NFIA: variants seen among roughly 807,000 people sequenced by gnomAD.
NFIA encodes the protein nuclear factor I A.
A neutral mutation model predicts 62.8 loss-of-function variants in NFIA; 8 were observed. The ratio of observed to expected loss-of-function variants is 0.13; its 90% CI spans 0.07 to 0.23. The LOEUF (loss-of-function observed/expected upper bound fraction) is 0.23. Ranked by LOEUF, NFIA falls within the 10% of genes least tolerant of loss-of-function variation. The pLI, the probability that NFIA is intolerant of heterozygous loss-of-function variation, is 1.00. For synonymous variants in NFIA, 235 were observed against 238.1 expected (o/e 0.99, Z 0.12); for missense variants, 410 against 642.1 (o/e 0.64, Z 3.91).
intron 10 of NFIA, among the ~76,000 whole-genome samples, chr1:61,453,814 C>T (rs1187661904): frequency 6.6e-6 from 1 of 152,152 alleles, no homozygotes; most frequent in Non-Finnish European, 1.5e-5. Context: ...CTCTCCCCCT[C>T]TTCTTTCTTT....
chr1:61,196,672 A>T (rs985975468), intron 2 of NFIA, among the ~76,000 whole-genome samples: 10 of 152,188 alleles, frequency 6.6e-5, no homozygotes, highest in Non-Finnish European at 1.0e-4. Context: ...TAATGGGCTT[A>T]CAACTGAAGG....
chr1:61,393,485 C>T (rs1405919165), intron 7 of NFIA, among the ~76,000 whole-genome samples: 2 of 151,322 alleles, frequency 1.3e-5, no homozygotes, highest in East Asian at 4.0e-4. Context: ...AGCTTTTCAA[C>T]AACAGATTTA....
chr1:61,151,412 G>A (rs1165431138), intron 2 of NFIA, among the ~76,000 whole-genome samples: 1 of 146,226 alleles, frequency 6.8e-6, no homozygotes, highest in Non-Finnish European at 1.5e-5. Context: ...TTTTATCATA[G>A]GTAAGGGAAG....
intron 7 of NFIA, among the ~76,000 whole-genome samples, chr1:61,393,246 T>C (rs567199235): frequency 2.2e-4 from 4 of 18,454 alleles, no homozygotes; most frequent in Admixed American, 6.6e-4. Flanking sequence ...GCCCTCTCCC[T>C]CTCTCTCTCT....
chr1:61,307,815 T>C (rs1311315680), intron 3 of NFIA, among the ~76,000 whole-genome samples: 1 of 152,200 alleles, frequency 6.6e-6, no homozygotes, highest in Non-Finnish European at 1.5e-5. Flanking sequence ...CATTTTGTGA[T>C]GATAACTGAT....
intron 3 of NFIA, among the ~76,000 whole-genome samples, chr1:61,287,282 A>G (rs901817379): frequency 3.9e-5 from 6 of 152,200 alleles, no homozygotes; most frequent in African/African-American, 1.2e-4. Flanking sequence ...TTGTCATGGC[A>G]GTATCTTTTA....
rs1348436538 is a variant in NFIA, at chr1:61,277,599, G to C, written c.625+14G>C. 1 of 1,613,426 alleles carries C rather than the reference G, an allele frequency of 6.2e-7. No homozygotes were observed. Among genetic ancestry groups the C allele is most frequent in the Admixed American group, 1.7e-5 (1 of 59,986 alleles). ...AGCCAGAAAATGGTAAGTTTAGCTT[G>C]GGACTCTAGCTGCTGCTTTCAGAGT... On this transcript the variant is annotated intron_variant, in intron 3 of 10. Transcript: ENST00000403491.
intron 6 of NFIA, among the ~76,000 whole-genome samples, chr1:61,379,050 T>C (rs1664280740): frequency 6.6e-6 from 1 of 152,232 alleles, no homozygotes; most frequent in Non-Finnish European, 1.5e-5. Context: ...ATTATATCTG[T>C]AGAAGTCTTT....
At chr1:61,265,801 T>G (rs1449395866) in intron 2 of NFIA, among the ~76,000 whole-genome samples, 1 of 152,184 alleles carries the variant, frequency 6.6e-6, no homozygotes, top group African/African-American at 2.4e-5. Context: ...AGGAAAAAAC[T>G]TAGTTTATGG....
At chr1:61,406,207 C>T (rs971624696) in intron 8 of NFIA, among the ~76,000 whole-genome samples, 10 of 151,914 alleles carry the variant, frequency 6.6e-5, no homozygotes, top group Non-Finnish European at 5.9e-5. Context: ...GCAGTTAATA[C>T]AGAAAAATAC....
rs543625743 is a variant in NFIA, at chr1:61,122,580, A to G, written c.559+33900A>G. Among the ~76,000 whole-genome samples, 3 of 152,230 alleles carry G rather than the reference A, an allele frequency of 2.0e-5. No homozygotes were observed. The East Asian group carries it at 5.8e-4, about 29-fold the overall frequency. Reference sequence around the variant, plus strand: ...GGAGTTGCAAAACACCTTTCTTTAAATATTTTCTCTTCATGGTGCAACTGG... The same window carrying G: ...GGAGTTGCAAAACACCTTTCTTTAAGTATTTTCTCTTCATGGTGCAACTGG... On this transcript the variant is annotated intron_variant, in intron 2 of 10. Transcript: ENST00000403491.
At chr1:61,285,906 T>C (rs1247555017) in intron 3 of NFIA, among the ~76,000 whole-genome samples, 2 of 152,184 alleles carry the variant, frequency 1.3e-5, no homozygotes, top group East Asian at 3.8e-4. Flanking sequence ...TTCTTAGATC[T>C]CTGTAGGTAT....
chr1:61,211,327 T>C (rs910388306), intron 2 of NFIA, among the ~76,000 whole-genome samples: 3 of 152,238 alleles, frequency 2.0e-5, no homozygotes, highest in African/African-American at 7.2e-5. Context: ...TTCTGGTTCC[T>C]TGTCTTCCTT....
intron 2 of NFIA, among the ~76,000 whole-genome samples, chr1:61,194,344 C>T (rs115160251): frequency 4.4e-4 from 67 of 152,270 alleles, no homozygotes; most frequent in African/African-American, 1.4e-3. Flanking sequence ...GTCTGAAAGA[C>T]ACCATGTCTC....
At chr1:61,240,331 C>T (rs1215080032) in intron 2 of NFIA, among the ~76,000 whole-genome samples, 2 of 151,902 alleles carry the variant, frequency 1.3e-5, no homozygotes, top group East Asian at 3.9e-4. Flanking sequence ...ATCCATCATG[C>T]CCCCAAAAGC....
rs1014517950 is a variant in NFIA, at chr1:61,460,019, A to C, written c.*4699A>C. The C allele has an allele frequency of 3.9e-5, 6 of 151,986 alleles. No individual in the cohort carries two copies. Among genetic ancestry groups the C allele is most frequent in the Non-Finnish European group, 1.5e-5 (1 of 68,032 alleles). 9.4% of individuals were successfully genotyped at this position (151,986 alleles called of 1,614,324 possible). A position where few individuals can be genotyped will look rare whatever the true frequency, so the allele number is the denominator to read the frequency against. On this transcript the variant is annotated 3_prime_UTR_variant, in exon 11 of 11. Transcript: ENST00000403491. ...GCAGGCCTCCATAGAACAAATCTAA[A>C]ACACAACCACCATAGTAATGTAAGG...
chr1:61,406,542 T>TTGC lies in NFIA; in HGVS notation c.1255-20_1255-19insTGC. On this transcript the variant is annotated intron_variant, in intron 8 of 10. Coordinates refer to ENST00000403491, the MANE Select transcript of NFIA (RefSeq NM_001134673.4). ...TTCTTTTTCTTGTACGTGTGTTTTC[T>TTGC]GCCCCCCCCCCCCCCACAGCCCAAT... 1.6e-6 allele frequency: 2 copies of TTGC among 1,253,830 alleles called. No homozygotes were observed. The highest frequency in any genetic ancestry group is 2.1e-6 in the Non-Finnish European group (2 of 931,744). 77.7% of individuals were successfully genotyped at this position (1,253,830 alleles called of 1,614,324 possible).
chr1:61,267,813 CAG>C (rs1174005034), intron 2 of NFIA, among the ~76,000 whole-genome samples: 2 of 152,200 alleles, frequency 1.3e-5, no homozygotes, highest in African/African-American at 4.8e-5. Context: ...GGGGATGTCA[CAG>C]AATCTTTATC....
intron 3 of NFIA, among the ~76,000 whole-genome samples, chr1:61,329,704 C>T (rs1395274610): frequency 2.6e-5 from 4 of 152,164 alleles, no homozygotes; most frequent in Non-Finnish European, 5.9e-5. Flanking sequence ...TTTCTGTAAA[C>T]TCCCTGAAGG....
Sources: gnomAD v4.1 joint callset for allele counts (sites outside exome capture counted in the v4.1 genomes callset) on GRCh38, gnomAD v4.1.1 for gene constraint, MANE v1.5 for transcripts, NCBI Gene and HGNC (gene_info 2026-07-23, HGNC 2026-07-21) for gene names.